ACOXL: variants seen among roughly 807,000 people sequenced by gnomAD.
ACOXL encodes the protein acyl-coenzyme A oxidase-like protein.
In ACOXL, 70 loss-of-function variants were observed where a neutral mutation model predicts 71.9. The observed-to-expected ratio is 0.97, with a 90% CI of 0.80 to 1.19. The LOEUF is 1.19. Among genes scored for constraint, ACOXL ranks in the 50% most tolerant of loss-of-function variants. The pLI is 0.00. For synonymous variants in ACOXL, 253 were observed against 281.6 expected (o/e 0.90, Z 1.02); for missense variants, 703 against 736.3 (o/e 0.95, Z 0.52).
chr2:110,894,402 G>C (rs1336140390), intron 10 of ACOXL, among the ~76,000 whole-genome samples: 1 of 149,584 alleles, frequency 6.7e-6, no homozygotes, highest in Non-Finnish European at 1.5e-5. Flanking sequence ...CACCCACCAA[G>C]ACAGAAAACT....
At chr2:110,919,614 C>T (rs2059993276) in intron 11 of ACOXL, among the ~76,000 whole-genome samples, 1 of 151,938 alleles carries the variant, frequency 6.6e-6, no homozygotes, top group African/African-American at 2.4e-5. Flanking sequence ...TTGACAAAGA[C>T]ACAGAGTTGT....
chr2:110,994,977 C>A (rs143907716), intron 13 of ACOXL, among the ~76,000 whole-genome samples: 2 of 151,866 alleles, frequency 1.3e-5, no homozygotes, highest in African/African-American at 4.8e-5. Context: ...TTATAGTATT[C>A]TAGAATTATC....
chr2:110,868,090 G>A (rs941656149), intron 10 of ACOXL, among the ~76,000 whole-genome samples: 6 of 152,160 alleles, frequency 3.9e-5, no homozygotes, highest in African/African-American at 1.4e-4. Context: ...AGAAATGCAG[G>A]GGAACTGATT....
chr2:111,018,006 T>TA (rs2064545320), intron 14 of ACOXL: 1 of 152,230 alleles, frequency 6.6e-6, no homozygotes. Flanking sequence ...GTCCCTTAGT[T>TA]ACGGTAAAAT....
At chr2:111,110,563 C>T (rs999899882) in intron 17 of ACOXL, among the ~76,000 whole-genome samples, 1 of 152,114 alleles carries the variant, frequency 6.6e-6, no homozygotes, top group African/African-American at 2.4e-5. Flanking sequence ...TTCCCAATTC[C>T]AGTCCATCTG....
chr2:110,994,579 TG>T (rs1266183206), intron 13 of ACOXL, among the ~76,000 whole-genome samples: 1 of 152,148 alleles, frequency 6.6e-6, no homozygotes, highest in East Asian at 1.9e-4. Flanking sequence ...ACCCTTCCCC[TG>T]GTTGTCTAGG....
intron 1 of ACOXL, among the ~76,000 whole-genome samples, chr2:110,754,235 G>A (rs1043702060): frequency 6.6e-6 from 1 of 151,704 alleles, no homozygotes; most frequent in African/African-American, 2.4e-5. Context: ...ACCATACCTG[G>A]GCCATTTTTA....
chr2:110,907,971 T>A (rs2059517923), intron 10 of ACOXL, among the ~76,000 whole-genome samples: 1 of 152,204 alleles, frequency 6.6e-6, no homozygotes, highest in Non-Finnish European at 1.5e-5. Flanking sequence ...TGTGTGTGTG[T>A]GAGTGAAATG....
At chr2:110,873,235 C>T (rs1424928388) in intron 10 of ACOXL, among the ~76,000 whole-genome samples, 1 of 152,076 alleles carries the variant, frequency 6.6e-6, no homozygotes, top group African/African-American at 2.4e-5. Flanking sequence ...TGGGAGGATC[C>T]TCGGGCAACA....
At chr2:111,085,974 A>C (rs562021970) in intron 16 of ACOXL, among the ~76,000 whole-genome samples, 1 of 152,208 alleles carries the variant, frequency 6.6e-6, no homozygotes, top group African/African-American at 2.4e-5. Flanking sequence ...GAAGAAAGGG[A>C]TAAGTTCCTG....
chr2:110,933,445 A>C, intron 11 of ACOXL, 44 bp from the exon 12 acceptor site: 1 of 1,592,104 alleles, frequency 6.3e-7, no homozygotes, highest in Non-Finnish European at 8.6e-7. Flanking sequence ...ACATGTGCTG[A>C]CTGCACCGCC....
At chr2:110,833,253 A>T (rs1690055692) in intron 9 of ACOXL, among the ~76,000 whole-genome samples, 1 of 152,244 alleles carries the variant, frequency 6.6e-6, no homozygotes, top group Non-Finnish European at 1.5e-5. Flanking sequence ...ACGAAGGAAT[A>T]AACTATTGAT....
At chr2:110,843,771 C>T (rs1251309436) in intron 10 of ACOXL, among the ~76,000 whole-genome samples, 2 of 152,180 alleles carry the variant, frequency 1.3e-5, no homozygotes, top group Admixed American at 6.5e-5. Context: ...ATGTTTGTCT[C>T]CAGGCTGTCC....
intron 10 of ACOXL, among the ~76,000 whole-genome samples, chr2:110,872,600 C>T (rs1695410315): frequency 1.3e-5 from 2 of 152,254 alleles, no homozygotes; most frequent in Admixed American, 1.3e-4. Flanking sequence ...CTGTCACTTC[C>T]AGCAAGGCCA....
intron 14 of ACOXL, among the ~76,000 whole-genome samples, chr2:111,005,800 A>G (rs1574461282): frequency 6.6e-6 from 1 of 152,150 alleles, no homozygotes; most frequent in African/African-American, 2.4e-5. Flanking sequence ...TTGATCCAAT[A>G]GCTTTGGTCA....
intron 12 of ACOXL, 81 bp from the exon 13 acceptor site, chr2:110,987,027 A>T: frequency 8.8e-7 from 1 of 1,136,766 alleles, no homozygotes; most frequent in Non-Finnish European, 1.3e-6. Context: ...AGTGACAAAT[A>T]GATCTTATTG....
intron 15 of ACOXL, among the ~76,000 whole-genome samples, chr2:111,047,947 G>A (rs2066096979): frequency 6.6e-6 from 1 of 152,226 alleles, no homozygotes; most frequent in African/African-American, 2.4e-5. Context: ...TTTAGTCAGA[G>A]ATGAAAGCAG....
intron 17 of ACOXL, among the ~76,000 whole-genome samples, chr2:111,103,219 T>C (rs1216179002): frequency 6.6e-6 from 1 of 152,012 alleles, no homozygotes; most frequent in African/African-American, 2.4e-5. Flanking sequence ...CACTTGAACC[T>C]GGGAAATGGG....
intron 2 of ACOXL, among the ~76,000 whole-genome samples, chr2:110,776,912 G>C (rs1295922356): frequency 6.6e-6 from 1 of 151,926 alleles, no homozygotes; most frequent in Non-Finnish European, 1.5e-5. Flanking sequence ...GCTGGGACCA[G>C]AGTGACTGCA....
Sources: gnomAD v4.1 joint callset for allele counts (sites outside exome capture counted in the v4.1 genomes callset) on GRCh38, gnomAD v4.1.1 for gene constraint, MANE v1.5 for transcripts, NCBI Gene and HGNC (gene_info 2026-07-23, HGNC 2026-07-21) for gene names.